The following STK10 variants were observed in gnomAD, a reference collection of about 807,000 sequenced individuals.
STK10 encodes the protein serine/threonine kinase 10.
STK10 carries 78 observed loss-of-function variants against 113.8 expected under a neutral mutation model. That is an observed-to-expected ratio of 0.69 (90% CI 0.57 to 0.83). The LOEUF (loss-of-function observed/expected upper bound fraction) is 0.83. STK10 is among the 40% of genes least tolerant of loss of function. STK10 has a pLI of 0.00. For missense variants in STK10, 1,109 were observed against 1,280.1 expected, an observed-to-expected ratio of 0.87 and a Z score of 2.04; for synonymous variants, 465 against 494.7, an observed-to-expected ratio of 0.94 and a Z score of 0.80.
intron 2 of STK10, among the ~76,000 whole-genome samples, chr5:172,148,902 C>A (rs1310599852): frequency 1.3e-5 from 2 of 152,194 alleles, no homozygotes; most frequent in Admixed American, 6.5e-5. Flanking sequence ...ATCTCAATCT[C>A]GAGCCAGGCG....
intron 13 of STK10, among the ~76,000 whole-genome samples, chr5:172,062,712 A>G (rs1307331429): frequency 1.3e-5 from 2 of 152,232 alleles, no homozygotes; most frequent in African/African-American, 4.8e-5. Flanking sequence ...TCATAGGGAA[A>G]GCAGAATAAA....
chr5:172,168,769 C>T (rs1363621354), intron 1 of STK10, among the ~76,000 whole-genome samples: 1 of 152,174 alleles, frequency 6.6e-6, no homozygotes, highest in African/African-American at 2.4e-5. Context: ...TCTGGCTCTC[C>T]GCCCAGTGCT....
chr5:172,163,020 T>A (rs1360753026), intron 1 of STK10, among the ~76,000 whole-genome samples: 1 of 152,150 alleles, frequency 6.6e-6, no homozygotes, highest in African/African-American at 2.4e-5. Context: ...CAGAGGTTAG[T>A]AGGAACCACG....
intron 6 of STK10, 131 bp downstream of exon 6, chr5:172,106,489 C>T: frequency 9.6e-7 from 1 of 1,042,268 alleles, no homozygotes; most frequent in Non-Finnish European, 1.3e-6. Context: ...CCCCAGGCCC[C>T]AACCTCTCCT....
Position 172,106,697 on chromosome 5 carries a change from G to A in STK10, c.711C>T (p.His237=), listed in dbSNP as rs180852802. ...LIEMAQIEPP[H]HELNPMRVLL... ...GGACCCGCATGGGGTTGAGCTCGTG[G>A]TGTGGCGGCTCGATCTGGGCCATCT... Residue 237 remains histidine (H), a synonymous_variant, in exon 6 of 19, where the codon CAC becomes CAT. Transcript: ENST00000176763. The A allele has an allele frequency of 6.2e-7, 1 of 1,614,090 alleles. No homozygotes were observed. Among genetic ancestry groups the A allele is most frequent in the East Asian group, 2.2e-5 (1 of 44,868 alleles).
At chr5:172,123,117 C>A (rs1353246890) in intron 3 of STK10, among the ~76,000 whole-genome samples, 2 of 152,206 alleles carry the variant, frequency 1.3e-5, no homozygotes, top group South Asian at 2.1e-4. Context: ...AGGGAATGGA[C>A]CCCTGGGCCC....
At chr5:172,172,009 T>C (rs2113834281) in intron 1 of STK10, among the ~76,000 whole-genome samples, 1 of 151,944 alleles carries the variant, frequency 6.6e-6, no homozygotes, top group Non-Finnish European at 1.5e-5. Flanking sequence ...CTGACCAACA[T>C]GGTGAAACCC....
At chr5:172,085,279 G>A (rs975734166) in intron 10 of STK10, among the ~76,000 whole-genome samples, 2 of 151,816 alleles carry the variant, frequency 1.3e-5, no homozygotes, top group Non-Finnish European at 2.9e-5. Context: ...TAAGCAACAT[G>A]CCCTAATTAT....
chr5:172,186,439 C>T (rs1049941719), intron 1 of STK10, among the ~76,000 whole-genome samples: 8 of 152,004 alleles, frequency 5.3e-5, no homozygotes, highest in South Asian at 2.1e-4. Context: ...GCCTGGGCTA[C>T]GTGGCGAAAC....
intron 12 of STK10, among the ~76,000 whole-genome samples, chr5:172,069,983 C>T (rs1768141121): frequency 6.6e-6 from 1 of 152,166 alleles, no homozygotes; most frequent in African/African-American, 2.4e-5. Context: ...CGTGGTGGCT[C>T]ATGCCTGTAA....
chr5:172,149,495 CGT>C (rs3839238), intron 2 of STK10, among the ~76,000 whole-genome samples: 52,486 of 149,038 alleles, frequency 0.35, 9,267 homozygotes, highest in Non-Finnish European at 0.4. Context: ...ACAAAGTGCT[CGT>C]GTGTGTGTGT....
intron 12 of STK10, among the ~76,000 whole-genome samples, chr5:172,072,637 C>T (rs897633547): frequency 2.0e-5 from 3 of 152,158 alleles, no homozygotes; most frequent in African/African-American, 7.2e-5. Flanking sequence ...ATGAGGGCAG[C>T]TATAAACAGC....
chr5:172,115,386 G>T (rs1174189808), intron 4 of STK10, among the ~76,000 whole-genome samples: 1 of 152,204 alleles, frequency 6.6e-6, no homozygotes, highest in Non-Finnish European at 1.5e-5. Context: ...TGAGCTTGGT[G>T]GAGAGGGTTG....
chr5:172,072,175 T>A (rs1182337070), intron 12 of STK10, among the ~76,000 whole-genome samples: 1 of 152,216 alleles, frequency 6.6e-6, no homozygotes, highest in African/African-American at 2.4e-5. Context: ...TATCAATTGA[T>A]ACATGAAACC....
At position 172,090,419 on chromosome 5, in the gene STK10, G is replaced by C. The variant is rs1768673952; in HGVS notation, c.1555-57C>G. On this transcript the variant is annotated intron_variant, in intron 9 of 18. Transcript: ENST00000176763. ...GCATTTCAGCTAAGGACCCATGGCT[G>C]TCGCAGCAGGTGAGGCCACAGCTCT... is the stretch of plus-strand genomic sequence containing the variant. 3 of 1,583,994 alleles carry C rather than the reference G, an allele frequency of 1.9e-6. No homozygotes were observed. In the African/African-American group the frequency reaches 4.0e-5, roughly 21 times the overall value.
At chr5:172,141,020 C>G (rs1472532161) in intron 2 of STK10, among the ~76,000 whole-genome samples, 1 of 152,146 alleles carries the variant, frequency 6.6e-6, no homozygotes, top group Non-Finnish European at 1.5e-5. Context: ...CACGGAAAGG[C>G]AAGTACTGCA....
chr5:172,147,550 C>T (rs375205794), intron 2 of STK10, among the ~76,000 whole-genome samples: 1 of 152,154 alleles, frequency 6.6e-6, no homozygotes, highest in Admixed American at 6.5e-5. Context: ...TGTCACCATG[C>T]CCAGCTAATC....
intron 2 of STK10, among the ~76,000 whole-genome samples, chr5:172,137,838 G>A (rs899535541): frequency 2.8e-5 from 4 of 141,006 alleles, no homozygotes; most frequent in African/African-American, 1.1e-4. Flanking sequence ...CTTGCAGTGA[G>A]CCGAGATCAC....
intron 2 of STK10, among the ~76,000 whole-genome samples, chr5:172,142,416 T>C (rs780539910): frequency 1.3e-5 from 2 of 152,160 alleles, no homozygotes; most frequent in African/African-American, 2.4e-5. Context: ...GAGAACCCGA[T>C]GTGTGCAGGT....
Sources: allele counts gnomAD v4.1 joint callset (sites outside exome capture counted in the v4.1 genomes callset), GRCh38; gene constraint gnomAD v4.1.1; transcripts MANE v1.5; gene names NCBI Gene and HGNC (gene_info 2026-07-23, HGNC 2026-07-21).